CECR2: variants seen among roughly 807,000 people sequenced by gnomAD.
The protein encoded by CECR2 is chromatin remodeling regulator CECR2.
CECR2 carries 30 observed loss-of-function variants against 154.5 expected under a neutral mutation model. That is an observed-to-expected ratio of 0.19 (90% confidence interval 0.15 to 0.26). The LOEUF is 0.26. Ranked by LOEUF, CECR2 falls within the 10% of genes least tolerant of loss-of-function variation. The pLI is 1.00. For missense variants in CECR2, 1,743 were observed against 1,829.3 expected (o/e 0.95, Z 0.86); for synonymous variants, 725 against 683.7 (o/e 1.06, Z -0.94).
intron 2 of CECR2, among the ~76,000 whole-genome samples, chr22:17,489,528 C>T (rs529182101): frequency 8.5e-5 from 13 of 152,148 alleles, no homozygotes; most frequent in Middle Eastern, 3.4e-3. Context: ...TGATCATAGC[C>T]CACTGCAGCC....
At chr22:17,405,981 C>T (rs990983159) in intron 1 of CECR2, among the ~76,000 whole-genome samples, 4 of 152,136 alleles carry the variant, frequency 2.6e-5, no homozygotes, top group Non-Finnish European at 5.9e-5. Context: ...TCTATTTCTT[C>T]CTGCAGCCAT....
chr22:17,417,232 T>C (rs1330690265), intron 1 of CECR2, among the ~76,000 whole-genome samples: 2 of 152,200 alleles, frequency 1.3e-5, no homozygotes, highest in African/African-American at 4.8e-5. Context: ...CAACAACCAT[T>C]GAGTGGCACT....
rs115998962 is a variant in CECR2, at chr22:17,517,296, C to T, written c.954+5400C>T. On this transcript the variant is annotated intron_variant, in intron 8 of 18. Coordinates refer to ENST00000262608, the MANE Select transcript of CECR2 (RefSeq NM_001290047.2). ...ACGTGCTTCCTTTCCCCTCACCTTC[C>T]GCCACGATTATAAGTTTCCTGAGGC... is the stretch of plus-strand genomic sequence containing the variant. Among the ~76,000 whole-genome samples, 1,115 of 152,342 alleles carry T rather than the reference C, an allele frequency of 7.3e-3. 15 individuals carry two copies. The highest frequency in any genetic ancestry group is 0.025 in the African/African-American group (1,058 of 41,580).
chr22:17,507,533 G>T (rs1469866297), intron 7 of CECR2, among the ~76,000 whole-genome samples: 2 of 152,000 alleles, frequency 1.3e-5, no homozygotes, highest in African/African-American at 4.8e-5. Flanking sequence ...GTCACCTTAA[G>T]CCTTCTTTTA....
chr22:17,511,643 T>A (rs2055955574), intron 7 of CECR2, among the ~76,000 whole-genome samples, 170 bp from the exon 8 acceptor site: 1 of 152,186 alleles, frequency 6.6e-6, no homozygotes, highest in African/African-American at 2.4e-5. Flanking sequence ...AACTGGCTTC[T>A]GTCCCTACAC....
chr22:17,537,337 A>G, intron 10 of CECR2, 105 bp downstream of exon 10: 3 of 1,340,056 alleles, frequency 2.2e-6, no homozygotes, highest in African/African-American at 1.4e-5. Context: ...GTTGGGTAAC[A>G]TGGTCACCAT....
intron 1 of CECR2, among the ~76,000 whole-genome samples, chr22:17,400,466 A>G (rs546958630): frequency 1.8e-4 from 27 of 152,284 alleles, no homozygotes; most frequent in Non-Finnish European, 3.4e-4. Context: ...AGCTAGGCAC[A>G]CCTGCCAACT....
chr22:17,377,149 A>G (rs2063128332), intron 1 of CECR2, among the ~76,000 whole-genome samples: 1 of 152,188 alleles, frequency 6.6e-6, no homozygotes, highest in Non-Finnish European at 1.5e-5. Flanking sequence ...TTGCTGACTC[A>G]CCAGTTAGGG....
intron 1 of CECR2, among the ~76,000 whole-genome samples, chr22:17,426,298 A>G (rs1307847649): frequency 1.4e-5 from 2 of 142,462 alleles, no homozygotes; most frequent in Non-Finnish European, 3.0e-5. Context: ...ACTTTTTACA[A>G]TTTGTTTAAA....
intron 1 of CECR2, among the ~76,000 whole-genome samples, chr22:17,381,481 G>A (rs1319551176): frequency 6.6e-6 from 1 of 152,112 alleles, no homozygotes; most frequent in East Asian, 1.9e-4. Context: ...ATCGCTTTCA[G>A]CAATGGAACC....
chr22:17,484,175 TAA>T (rs1169310464), intron 2 of CECR2, among the ~76,000 whole-genome samples: 1 of 152,192 alleles, frequency 6.6e-6, no homozygotes, highest in African/African-American at 2.4e-5. Flanking sequence ...TCCTTTATGT[TAA>T]GCAATGCGTG....
At chr22:17,509,418 GTTTCT>G (rs1235225164) in intron 7 of CECR2, among the ~76,000 whole-genome samples, 3 of 138,802 alleles carry the variant, frequency 2.2e-5, no homozygotes, top group Admixed American at 7.3e-5. Context: ...ATTTCACCTT[GTTTCT>G]TTTCTTTTTT....
chr22:17,521,401 G>T (rs557760802), intron 8 of CECR2, among the ~76,000 whole-genome samples: 1 of 152,100 alleles, frequency 6.6e-6, no homozygotes. Flanking sequence ...TTAGCCAGGC[G>T]TGGTGGCGGG....
At chr22:17,438,346 CAT>C (rs3091390) in intron 1 of CECR2, among the ~76,000 whole-genome samples, 20,628 of 152,212 alleles carry the variant, frequency 0.14, 1,839 homozygotes, top group Non-Finnish European at 0.2. Flanking sequence ...TTTCTCATCA[CAT>C]GTTTTGGGTT....
At chr22:17,388,347 C>T (rs1018375952) in intron 1 of CECR2, among the ~76,000 whole-genome samples, 4 of 152,134 alleles carry the variant, frequency 2.6e-5, no homozygotes, top group Admixed American at 6.6e-5. Flanking sequence ...TTCTCATGCC[C>T]GAACTGACCC....
At chr22:17,455,683 G>A (rs893305801) in intron 1 of CECR2, among the ~76,000 whole-genome samples, 9 of 152,144 alleles carry the variant, frequency 5.9e-5, no homozygotes, top group African/African-American at 9.7e-5. Flanking sequence ...GCGCAATCTC[G>A]GCTCACTGCA....
At chr22:17,501,662 CTTATCCG>C (rs1055956239) in intron 5 of CECR2, among the ~76,000 whole-genome samples, 8 of 152,122 alleles carry the variant, frequency 5.3e-5, no homozygotes, top group Admixed American at 5.2e-4. Context: ...CTATTTCTTG[CTTATCCG>C]TTTCTGTGAC....
chr22:17,414,158 G>C (rs1299336100), intron 1 of CECR2, among the ~76,000 whole-genome samples: 4 of 151,192 alleles, frequency 2.6e-5, no homozygotes, highest in Non-Finnish European at 4.4e-5. Context: ...ATTTTTAGTA[G>C]AGATGGGATT....
intron 6 of CECR2, among the ~76,000 whole-genome samples, chr22:17,504,529 C>A (rs886214407): frequency 6.6e-6 from 1 of 151,916 alleles, no homozygotes; most frequent in Non-Finnish European, 1.5e-5. Flanking sequence ...CTCCGCCTCC[C>A]GGGTTCACGC....
Sources: gnomAD v4.1 joint callset for allele counts (sites outside exome capture counted in the v4.1 genomes callset) on GRCh38, gnomAD v4.1.1 for gene constraint, MANE v1.5 for transcripts, NCBI Gene and HGNC (gene_info 2026-07-23, HGNC 2026-07-21) for gene names.